C10orf90: variants seen among roughly 807,000 people sequenced by gnomAD.
The protein encoded by C10orf90 is chromosome 10 open reading frame 90, also known as (E2-independent) E3 ubiquitin-conjugating enzyme FATS.
C10orf90 carries 56 observed loss-of-function variants against 62.5 expected under a neutral mutation model. The observed-to-expected ratio is 0.90, with a 90% confidence interval of 0.72 to 1.12. C10orf90 has a LOEUF of 1.12. Among genes scored for constraint, C10orf90 ranks in the 50% most tolerant of loss-of-function variants. The pLI is 0.00. For missense variants in C10orf90, 970 were observed against 880.4 expected, an observed-to-expected ratio of 1.10 and a Z score of -1.29; for synonymous variants, 386 against 340.4, an observed-to-expected ratio of 1.13 and a Z score of -1.47.
At chr10:126,475,314 C>G (rs1310992072) in intron 4 of C10orf90, among the ~76,000 whole-genome samples, 1 of 152,132 alleles carries the variant, frequency 6.6e-6, no homozygotes, top group African/African-American at 2.4e-5. Context: ...CAAATTAAGG[C>G]CTTAATCATC....
At chr10:126,557,286 C>G (rs1246734431) in intron 2 of C10orf90, among the ~76,000 whole-genome samples, 3 of 152,020 alleles carry the variant, frequency 2.0e-5, no homozygotes, top group East Asian at 1.9e-4. Flanking sequence ...TTGAGACCAT[C>G]CTGGCTAACA....
chr10:126,633,275 C>A (rs1347509357), intron 2 of C10orf90, among the ~76,000 whole-genome samples: 1 of 152,218 alleles, frequency 6.6e-6, no homozygotes, highest in African/African-American at 2.4e-5. Context: ...AGGCCTAGGA[C>A]ATCCCAGGGC....
intron 1 of C10orf90, among the ~76,000 whole-genome samples, chr10:126,651,280 C>T (rs780634685): frequency 2.6e-5 from 4 of 152,074 alleles, no homozygotes; most frequent in Non-Finnish European, 4.4e-5. Context: ...CTCTGTATTC[C>T]GAGAGTTTTT....
chr10:126,513,375 T>A (rs1401638661), intron 3 of C10orf90, among the ~76,000 whole-genome samples: 1 of 152,250 alleles, frequency 6.6e-6, no homozygotes, highest in Non-Finnish European at 1.5e-5. Context: ...GAGCCTGGTG[T>A]ATGATACATT....
chr10:126,491,162 A>G (rs1861750513), intron 4 of C10orf90, among the ~76,000 whole-genome samples: 1 of 152,236 alleles, frequency 6.6e-6, no homozygotes, highest in Non-Finnish European at 1.5e-5. Context: ...TGCTGATAGA[A>G]ATTAAAGATT....
intron 7 of C10orf90, among the ~76,000 whole-genome samples, chr10:126,446,263 C>A (rs1047830982): frequency 6.6e-6 from 1 of 151,830 alleles, no homozygotes; most frequent in Non-Finnish European, 1.5e-5. Context: ...AAGATATAAA[C>A]GTCCAGATAC....
chr10:126,546,804 C>A (rs1864503259), intron 2 of C10orf90, among the ~76,000 whole-genome samples: 2 of 152,220 alleles, frequency 1.3e-5, no homozygotes, highest in Non-Finnish European at 2.9e-5. Flanking sequence ...AGTTTTATAA[C>A]ATGAGTGTCC....
At chr10:126,543,520 G>A (rs1308850297) in intron 2 of C10orf90, among the ~76,000 whole-genome samples, 1 of 152,238 alleles carries the variant, frequency 6.6e-6, no homozygotes, top group African/African-American at 2.4e-5. Context: ...TGAGGGCTAC[G>A]GCAGCATAGG....
chr10:126,458,896 T>A (rs1564806569), intron 7 of C10orf90, 144 bp downstream of exon 7: 2 of 880,222 alleles, frequency 2.3e-6, no homozygotes, highest in Non-Finnish European at 3.4e-6. Context: ...TTTATGATGC[T>A]GAGGGTCAGC....
chr10:126,627,263 G>A (rs552775865), intron 2 of C10orf90, among the ~76,000 whole-genome samples: 4 of 152,194 alleles, frequency 2.6e-5, no homozygotes, highest in African/African-American at 9.6e-5. Flanking sequence ...GCTTCCCAAA[G>A]TGCTGGGATT....
At chr10:126,491,955 C>A (rs1207458352) in intron 4 of C10orf90, among the ~76,000 whole-genome samples, 1 of 152,140 alleles carries the variant, frequency 6.6e-6, no homozygotes, top group Non-Finnish European at 1.5e-5. Context: ...CTTTCTAAGC[C>A]TGTCTGTGAA....
At chr10:126,617,334 G>T (rs536023355) in intron 2 of C10orf90, among the ~76,000 whole-genome samples, 1 of 152,294 alleles carries the variant, frequency 6.6e-6, no homozygotes, top group African/African-American at 2.4e-5. Flanking sequence ...AGAAAGTTCT[G>T]CTTGCAGTTT....
chr10:126,448,065 T>A (rs2134056556), intron 7 of C10orf90, among the ~76,000 whole-genome samples: 1 of 133,604 alleles, frequency 7.5e-6, no homozygotes, highest in South Asian at 2.6e-4. Context: ...AGAGACGGGG[T>A]TTCACTATGT....
At position 126,635,326 on chromosome 10, in the gene C10orf90, A is replaced by G. The variant is rs189535090; in HGVS notation, c.313+11239T>C. Among the ~76,000 whole-genome samples the G allele has an allele frequency of 2.8e-4, 42 of 152,328 alleles. 1 individual carries two copies. Among genetic ancestry groups the G allele is most frequent in the South Asian group, 1.2e-3 (6 of 4,828 alleles). On this transcript the variant is annotated intron_variant, in intron 2 of 9. Coordinates refer to ENST00000488181, the MANE Select transcript of C10orf90 (RefSeq NM_001350921.2). The stretch of plus-strand genomic sequence containing the variant: ...CTTCCAGTTAAAACCCAGAGCACAC[A>G]TCTACCACCTCTTCTCCATTCAAGG...
chr10:126,490,058 T>TATTATATATAATATATAATATAATA (rs1861669509), intron 4 of C10orf90, among the ~76,000 whole-genome samples: 4 of 103,106 alleles, frequency 3.9e-5, no homozygotes. Context: ...TATTATGTTA[T>TATTATATATAATATATAATATAATA]ATAATATATA....
intron 2 of C10orf90, among the ~76,000 whole-genome samples, chr10:126,557,253 G>T (rs749226509): frequency 2.0e-5 from 3 of 151,916 alleles, no homozygotes; most frequent in Non-Finnish European, 4.4e-5. Flanking sequence ...AGGCTGAGGC[G>T]GGCAGATCAC....
rs1564860259 is a variant in C10orf90 at position 126,532,862 on chromosome 10, G to GAAAAAAAAAAAAAAAAAAAA, written c.314-18924_314-18923insTTTTTTTTTTTTTTTTTTTT. ...CGTCTCAAAAAAAAAAAAAAATAGT[G>GAAAAAAAAAAAAAAAAAAAA]AGCACAAAACAAGTGTTTTCAAAAA... On this transcript the variant is annotated intron_variant, in intron 2 of 9. Transcript: ENST00000488181. Among the ~76,000 whole-genome samples the GAAAAAAAAAAAAAAAAAAAA allele has an allele frequency of 1.4e-3, 32 of 22,126 alleles. 9 individuals are homozygous for GAAAAAAAAAAAAAAAAAAAA. Among genetic ancestry groups the GAAAAAAAAAAAAAAAAAAAA allele is most frequent in the Non-Finnish European group, 2.4e-3 (19 of 7,998 alleles). The allele number at this position is 22,126 out of a possible 152,430, so 14.5% of individuals were successfully genotyped here.
chr10:126,612,053 G>T lies in C10orf90; in HGVS notation c.313+34512C>A, dbSNP rs1056525874. ...GCTCAAGAGTCGGCCAGACGCTGTG[G>T]CTCACGCCTATAATCCCAGCACTTT... is the stretch of plus-strand genomic sequence containing the variant. On this transcript the variant is annotated intron_variant, in intron 2 of 9. Coordinates refer to ENST00000488181, the MANE Select transcript of C10orf90 (RefSeq NM_001350921.2). Among the ~76,000 whole-genome samples the T allele has an allele frequency of 3.0e-4, 46 of 152,290 alleles. 1 individual carries two copies. Among genetic ancestry groups the T allele is most frequent in the African/African-American group, 1.0e-3 (42 of 41,562 alleles).
intron 1 of C10orf90, among the ~76,000 whole-genome samples, chr10:126,668,499 G>GT (rs1405041726): frequency 6.6e-6 from 1 of 152,192 alleles, no homozygotes; most frequent in Non-Finnish European, 1.5e-5. Context: ...TCTAAATAAT[G>GT]CTGAGATGTC....
Sources: allele counts gnomAD v4.1 joint callset (sites outside exome capture counted in the v4.1 genomes callset), GRCh38; gene constraint gnomAD v4.1.1; transcripts MANE v1.5; gene names NCBI Gene and HGNC (gene_info 2026-07-23, HGNC 2026-07-21).